CSMD1: variants seen among roughly 807,000 people sequenced by gnomAD.
CSMD1 encodes CUB and sushi domain-containing protein 1.
CSMD1 carries 213 observed loss-of-function variants against 417.5 expected under a neutral mutation model. The ratio of observed to expected loss-of-function variants is 0.51; its 90% CI spans 0.46 to 0.57. The LOEUF (loss-of-function observed/expected upper bound fraction) is 0.57. Ranked by LOEUF, CSMD1 falls within the 20% of genes least tolerant of loss-of-function variation. The pLI is 0.00. For synonymous variants in CSMD1, 2,862 were observed against 1,736.8 expected, an observed-to-expected ratio of 1.65 and a Z score of -16.11; for missense variants, 6,923 against 4,529.7, an observed-to-expected ratio of 1.53 and a Z score of -15.17.
intron 10 of CSMD1, among the ~76,000 whole-genome samples, chr8:3,534,301 C>T (rs1798101006): frequency 6.6e-6 from 1 of 152,110 alleles, no homozygotes; most frequent in African/African-American, 2.4e-5. Context: ...TTTCCTTCAT[C>T]TTTACCTTGA....
chr8:4,813,033 C>G (rs1000101163), intron 1 of CSMD1, among the ~76,000 whole-genome samples: 3 of 152,096 alleles, frequency 2.0e-5, no homozygotes, highest in Admixed American at 6.6e-5. Flanking sequence ...CCACAAGAAA[C>G]AAAACACAAA....
chr8:2,942,493 G>C lies in CSMD1; in HGVS notation c.10514C>G (p.Ala3505Gly). ...PFFALILSGF[A>G]FYLYKHRTRP... ...GTACCTGTGTTTGTAGAGGTAAAAT[G>C]CAAACCCTGATAAAATTAGAGCAAA... The change falls in exon 69 of 70, where the codon GCA becomes GGA. Residue 3505 changes from alanine (A) to glycine (G), a missense_variant. Transcript: ENST00000635120. 2.5e-6 allele frequency: 4 copies of C among 1,613,080 alleles called. No homozygotes were observed. Among genetic ancestry groups the C allele is most frequent in the Non-Finnish European group, 2.5e-6 (3 of 1,179,432 alleles).
At chr8:3,024,172 T>G (rs919328551) in intron 51 of CSMD1, among the ~76,000 whole-genome samples, 1 of 151,904 alleles carries the variant, frequency 6.6e-6, no homozygotes, top group African/African-American at 2.4e-5. Context: ...GTAGGAAACA[T>G]GAGAGATAAA....
intron 16 of CSMD1, among the ~76,000 whole-genome samples, chr8:3,397,329 G>T (rs59386340): frequency 6.6e-6 from 1 of 152,296 alleles, no homozygotes; most frequent in East Asian, 1.9e-4. Flanking sequence ...ACTTGGGAGA[G>T]GGGAAGCAAT....
intron 5 of CSMD1, among the ~76,000 whole-genome samples, chr8:3,887,142 G>C (rs966843218): frequency 4.6e-5 from 7 of 152,264 alleles, no homozygotes; most frequent in African/African-American, 1.7e-4. Context: ...GTGTGGGTGA[G>C]GATGATGGCA....
At chr8:4,947,262 G>A (rs1585386259) in intron 1 of CSMD1, among the ~76,000 whole-genome samples, 1 of 152,046 alleles carries the variant, frequency 6.6e-6, no homozygotes, top group African/African-American at 2.4e-5. Context: ...AATTACCTTG[G>A]CAATGATATA....
chr8:2,999,328 G>A (rs1402757842), intron 53 of CSMD1, among the ~76,000 whole-genome samples: 2 of 151,760 alleles, frequency 1.3e-5, no homozygotes, highest in Non-Finnish European at 2.9e-5. Context: ...GCTAATTATT[G>A]TATTTTTAGT....
intron 1 of CSMD1, among the ~76,000 whole-genome samples, chr8:4,693,930 G>C (rs147739460): frequency 6.6e-6 from 1 of 152,106 alleles, no homozygotes; most frequent in East Asian, 1.9e-4. Context: ...GGTCACAAAT[G>C]GTTTCTTTAT....
At chr8:4,132,108 C>A (rs994718264) in intron 3 of CSMD1, among the ~76,000 whole-genome samples, 7 of 151,928 alleles carry the variant, frequency 4.6e-5, no homozygotes, top group South Asian at 2.1e-4. Context: ...CATATGGATC[C>A]CCAAAGTCTG....
intron 1 of CSMD1, among the ~76,000 whole-genome samples, chr8:4,862,781 G>A (rs1802210156): frequency 6.6e-6 from 1 of 152,088 alleles, no homozygotes; most frequent in South Asian, 2.1e-4. Flanking sequence ...TTGGAATCAT[G>A]AAATCCGGTG....
At chr8:3,913,599 G>C (rs555081536) in intron 5 of CSMD1, among the ~76,000 whole-genome samples, 1 of 152,198 alleles carries the variant, frequency 6.6e-6, no homozygotes, top group Non-Finnish European at 1.5e-5. Context: ...TTTGCCCACA[G>C]ATCTGGCAAG....
chr8:4,225,910 G>T (rs1801319136), intron 3 of CSMD1, among the ~76,000 whole-genome samples: 1 of 152,076 alleles, frequency 6.6e-6, no homozygotes, highest in African/African-American at 2.4e-5. Context: ...AATTATAATT[G>T]TCTAATAATT....
At chr8:3,612,907 G>T (rs968885834) in intron 8 of CSMD1, among the ~76,000 whole-genome samples, 5 of 151,674 alleles carry the variant, frequency 3.3e-5, no homozygotes, top group Admixed American at 6.6e-5. Flanking sequence ...AGTAAACAGA[G>T]GAAATAAATT....
chr8:3,707,484 A>G (rs1352182978), intron 7 of CSMD1, among the ~76,000 whole-genome samples: 4 of 152,220 alleles, frequency 2.6e-5, no homozygotes, highest in South Asian at 2.1e-4. Context: ...CAATGGGTAG[A>G]AAGTCCTAGA....
chr8:4,428,548 G>A (rs563612758), intron 2 of CSMD1, among the ~76,000 whole-genome samples: 1 of 152,152 alleles, frequency 6.6e-6, no homozygotes, highest in South Asian at 2.1e-4. Flanking sequence ...ATGTTAACAT[G>A]TATTTTCCTA....
At chr8:4,044,153 AGAT>A (rs1798031811) in intron 3 of CSMD1, among the ~76,000 whole-genome samples, 1 of 152,222 alleles carries the variant, frequency 6.6e-6, no homozygotes, top group South Asian at 2.1e-4. Context: ...GTAAGAAAGA[AGAT>A]GAGAGTTGGG....
chr8:4,450,599 C>G (rs748016839), intron 2 of CSMD1, among the ~76,000 whole-genome samples: 1 of 151,942 alleles, frequency 6.6e-6, no homozygotes, highest in Non-Finnish European at 1.5e-5. Flanking sequence ...CCACTGCACT[C>G]CAGCCTGGTA....
intron 3 of CSMD1, among the ~76,000 whole-genome samples, chr8:4,324,121 T>C (rs980111737): frequency 2.0e-5 from 3 of 152,160 alleles, no homozygotes; most frequent in African/African-American, 7.2e-5. Flanking sequence ...AAAAATCTCC[T>C]GCCTTAACTG....
chr8:4,844,978 C>G (rs1026806485), intron 1 of CSMD1, among the ~76,000 whole-genome samples: 3 of 152,054 alleles, frequency 2.0e-5, no homozygotes, highest in Non-Finnish European at 2.9e-5. Context: ...AATAATCAGA[C>G]CTATAGCATT....
Sources: gnomAD v4.1 joint callset for allele counts (sites outside exome capture counted in the v4.1 genomes callset) on GRCh38, gnomAD v4.1.1 for gene constraint, MANE v1.5 for transcripts, NCBI Gene and HGNC (gene_info 2026-07-23, HGNC 2026-07-21) for gene names.